Variants in TCF12 observed in about 807,000 individuals in gnomAD.
The protein encoded by TCF12 is DNA-binding protein HTF4.
In TCF12, 45 loss-of-function variants were observed where a neutral mutation model predicts 86.0. The observed-to-expected ratio is 0.52, with a 90% confidence interval of 0.41 to 0.67. The LOEUF (loss-of-function observed/expected upper bound fraction) is 0.67, where lower values mean the gene tolerates loss of function less well. TCF12 is among the 30% of genes least tolerant of loss of function. TCF12 has a pLI of 0.00. For synonymous variants in TCF12, 330 were observed against 299.6 expected, an observed-to-expected ratio of 1.10 and a Z score of -1.05; for missense variants, 881 against 859.9, an observed-to-expected ratio of 1.02 and a Z score of -0.31.
intron 3 of TCF12, chr15:57,001,443 A>T: frequency 5.7e-6 from 1 of 176,382 alleles, no homozygotes; most frequent in East Asian, 9.7e-5. Context: ...TTTAACAAAG[A>T]AAATTAACAG....
chr15:57,028,194 C>G (rs1293879160), intron 3 of TCF12, among the ~76,000 whole-genome samples: 1 of 152,176 alleles, frequency 6.6e-6, no homozygotes, highest in African/African-American at 2.4e-5. Context: ...TCTTGAACTC[C>G]TGACCTCAGG....
intron 8 of TCF12, among the ~76,000 whole-genome samples, chr15:57,230,887 G>A (rs1272558727): frequency 6.6e-6 from 1 of 151,642 alleles, no homozygotes; most frequent in Non-Finnish European, 1.5e-5. Flanking sequence ...CAGTCACTTG[G>A]TGTAACTGTC....
intron 3 of TCF12, among the ~76,000 whole-genome samples, chr15:56,942,911 G>T (rs776862612): frequency 6.6e-6 from 1 of 152,114 alleles, no homozygotes; most frequent in African/African-American, 2.4e-5. Context: ...GGAAGAAAGT[G>T]TCAAATTTAA....
intron 19 of TCF12, among the ~76,000 whole-genome samples, chr15:57,279,255 A>G (rs1379295465): frequency 1.3e-5 from 2 of 152,178 alleles, no homozygotes; most frequent in African/African-American, 4.8e-5. Context: ...AGTCATAATA[A>G]CATAAATATT....
At chr15:57,266,896 G>A (rs1190985007) in intron 18 of TCF12, among the ~76,000 whole-genome samples, 1 of 152,252 alleles carries the variant, frequency 6.6e-6, no homozygotes, top group East Asian at 1.9e-4. Flanking sequence ...GGGCATGGTG[G>A]CAAACACCCG....
At chr15:57,264,769 G>A (rs1456643541) in intron 18 of TCF12, among the ~76,000 whole-genome samples, 1 of 151,988 alleles carries the variant, frequency 6.6e-6, no homozygotes, top group Admixed American at 6.5e-5. Flanking sequence ...AGGTCTTGTC[G>A]CCCAGGCTGG....
chr15:57,076,252 A>G (rs1159205765), intron 4 of TCF12, among the ~76,000 whole-genome samples: 2 of 152,204 alleles, frequency 1.3e-5, no homozygotes, highest in Non-Finnish European at 2.9e-5. Context: ...GTGTACGAAT[A>G]CAGAGCTTTG....
chr15:57,148,781 G>A (rs2053548256), intron 5 of TCF12, among the ~76,000 whole-genome samples: 1 of 151,982 alleles, frequency 6.6e-6, no homozygotes, highest in African/African-American at 2.4e-5. Context: ...GGAGGTTGAG[G>A]TGAGAGGATA....
Position 57,158,184 on chromosome 15 carries a change from G to GTTTT in TCF12, c.326-8215_326-8214insTTTT, listed in dbSNP as rs374179677. On this transcript the variant is annotated intron_variant, in intron 5 of 20. Coordinates refer to ENST00000333725, the MANE Select transcript of TCF12 (RefSeq NM_207037.2). ...ACAGATGTTAAAGTCTCAGAAAGTC[G>GTTTT]TTTCTTTTTTTTTTTTTTCTTTGAG... 6.6e-4 allele frequency among the ~76,000 whole-genome samples: 88 copies of GTTTT among 134,110 alleles called. 19 individuals are homozygous for GTTTT. The highest frequency in any genetic ancestry group is 5.1e-4 in the Non-Finnish European group (32 of 62,320). 88.0% of individuals were successfully genotyped at this position (134,110 alleles called of 152,430 possible).
chr15:57,197,713 G>A, intron 7 of TCF12, 60 bp from the exon 8 acceptor site: 1 of 1,572,510 alleles, frequency 6.4e-7, no homozygotes, highest in Non-Finnish European at 8.7e-7. Context: ...CTGTTAATTT[G>A]AAGTCTTGAT....
chr15:57,013,473 A>G (rs1015637172), intron 3 of TCF12, among the ~76,000 whole-genome samples: 5 of 152,030 alleles, frequency 3.3e-5, no homozygotes, highest in Non-Finnish European at 7.4e-5. Context: ...ACCATGCAAA[A>G]ATTAGCCCAG....
intron 3 of TCF12, among the ~76,000 whole-genome samples, chr15:56,989,898 C>A (rs1334502724): frequency 5.9e-5 from 9 of 152,114 alleles, no homozygotes; most frequent in Admixed American, 5.2e-4. Flanking sequence ...CTCTCCCAAA[C>A]CTAGTTTTCC....
chr15:57,004,618 C>T (rs2064240209), intron 3 of TCF12, among the ~76,000 whole-genome samples: 1 of 152,048 alleles, frequency 6.6e-6, no homozygotes, highest in Non-Finnish European at 1.5e-5. Context: ...ATTGTGTTAG[C>T]CAGGATGGTC....
intron 8 of TCF12, among the ~76,000 whole-genome samples, chr15:57,204,119 C>T (rs894791128): frequency 1.3e-5 from 2 of 152,112 alleles, no homozygotes; most frequent in African/African-American, 4.8e-5. Context: ...GTTCAGTGGC[C>T]CTTGAATTAG....
chr15:57,218,374 A>G (rs2058422089), intron 8 of TCF12, among the ~76,000 whole-genome samples: 1 of 152,228 alleles, frequency 6.6e-6, no homozygotes, highest in Non-Finnish European at 1.5e-5. Context: ...TAATTACAGC[A>G]AACGATTGAT....
intron 3 of TCF12, among the ~76,000 whole-genome samples, chr15:56,938,013 CT>C (rs1219848986): frequency 9.7e-4 from 41 of 42,380 alleles, no homozygotes; most frequent in East Asian, 3.2e-3. Context: ...CTGTAGTTTG[CT>C]TTTTTTTTCT....
chr15:57,026,106 A>G (rs1239392475), intron 3 of TCF12, among the ~76,000 whole-genome samples: 1 of 152,196 alleles, frequency 6.6e-6, no homozygotes, highest in South Asian at 2.1e-4. Context: ...TTCTTTTTGG[A>G]AAGGACCAGG....
intron 3 of TCF12, 44 bp downstream of exon 3, chr15:56,921,142 G>A: frequency 6.8e-7 from 1 of 1,478,010 alleles, no homozygotes. Flanking sequence ...TTGGTGGTGT[G>A]ATACATTTTA....
At chr15:56,975,632 G>GTTTTT (rs1289657932) in intron 3 of TCF12, among the ~76,000 whole-genome samples, 1 of 139,198 alleles carries the variant, frequency 7.2e-6, no homozygotes, top group African/African-American at 2.9e-5. Flanking sequence ...AAAACTAGGG[G>GTTTTT]TTTTTTTTGT....
Sources: allele counts gnomAD v4.1 joint callset (sites outside exome capture counted in the v4.1 genomes callset), GRCh38; gene constraint gnomAD v4.1.1; transcripts MANE v1.5; gene names NCBI Gene and HGNC (gene_info 2026-07-23, HGNC 2026-07-21).